The following PLEKHA6 variants were observed in gnomAD, a reference collection of about 807,000 sequenced individuals.
The protein encoded by PLEKHA6 is pleckstrin homology domain-containing family A member 6.
PLEKHA6 carries 60 observed loss-of-function variants against 116.7 expected under a neutral mutation model. The ratio of observed to expected loss-of-function variants is 0.51; its 90% confidence interval spans 0.42 to 0.64. The LOEUF (loss-of-function observed/expected upper bound fraction) is 0.64. PLEKHA6 is among the 30% of genes least tolerant of loss of function. The probability of loss-of-function intolerance (pLI) is 0.00; values close to 1 mark genes in which losing one functional copy is unlikely to be tolerated. For missense variants in PLEKHA6, 1,338 were observed against 1,422.7 expected (o/e 0.94, Z 0.96); for synonymous variants, 489 against 556.1 (o/e 0.88, Z 1.70).
intron 1 of PLEKHA6, among the ~76,000 whole-genome samples, chr1:204,298,373 T>C (rs1015120682): frequency 2.0e-5 from 3 of 152,194 alleles, no homozygotes; most frequent in Non-Finnish European, 4.4e-5. Context: ...TAGTGTCAAA[T>C]GGAACAATCA....
In PLEKHA6 at chr1:204,228,267, A is replaced by C; in HGVS notation, c.2886-39T>G. 6.4e-7 allele frequency: 1 copy of C among 1,554,828 alleles called. No homozygotes were observed. The highest frequency in any genetic ancestry group is 8.7e-7 in the Non-Finnish European group (1 of 1,145,462). On this transcript the variant is annotated intron_variant, in intron 20 of 22. Coordinates refer to ENST00000272203, the MANE Select transcript of PLEKHA6 (RefSeq NM_014935.5). The surrounding 1 kb of genome is among the most constrained non-coding windows in gnomAD (Gnocchi z 4.0). ...GACACACAGAAATGGAGGGAGGGAC[A>C]GGATGGTCCAAGTGGCTTGAGGGGG...
At chr1:204,282,078 C>G (rs1668681982) in intron 1 of PLEKHA6, among the ~76,000 whole-genome samples, 1 of 152,176 alleles carries the variant, frequency 6.6e-6, no homozygotes, top group Non-Finnish European at 1.5e-5. Context: ...CTGTCCTTCC[C>G]CCATTTTCTC....
chr1:204,245,039 G>T (rs1312753397), intron 14 of PLEKHA6, 36 bp from the exon 15 acceptor site: 1 of 1,384,882 alleles, frequency 7.2e-7, no homozygotes, highest in African/African-American at 1.5e-5. Context: ...AGCAATGGAG[G>T]AGGGGTGCGG....
intron 1 of PLEKHA6, among the ~76,000 whole-genome samples, chr1:204,286,052 C>G (rs553663094): frequency 6.6e-6 from 1 of 152,208 alleles, no homozygotes; most frequent in East Asian, 1.9e-4. Context: ...TTCTTCCTTC[C>G]CTGCACCTCC....
At chr1:204,295,905 A>T (rs1670228964) in intron 1 of PLEKHA6, among the ~76,000 whole-genome samples, 1 of 152,180 alleles carries the variant, frequency 6.6e-6, no homozygotes, top group Admixed American at 6.5e-5. Context: ...GAGCAGGGCA[A>T]TTTTCTAACT....
chr1:204,312,328 C>A (rs1310011560), intron 1 of PLEKHA6, among the ~76,000 whole-genome samples: 1 of 152,230 alleles, frequency 6.6e-6, no homozygotes, highest in African/African-American at 2.4e-5. Flanking sequence ...CCTACTGTCC[C>A]TCTCCAGATT....
chr1:204,328,938 A>C (rs1003337221), intron 1 of PLEKHA6, among the ~76,000 whole-genome samples: 1 of 152,236 alleles, frequency 6.6e-6, no homozygotes, highest in Non-Finnish European at 1.5e-5. Context: ...GCCCAAAGCC[A>C]AACAACTAGA....
chr1:204,351,383 C>T (rs192468749), intron 1 of PLEKHA6, among the ~76,000 whole-genome samples: 57 of 152,306 alleles, frequency 3.7e-4, no homozygotes, highest in African/African-American at 9.4e-4. Context: ...TACAGAGTTC[C>T]GGTCGCCTCA....
chr1:204,322,110 T>TA (rs1460307642), intron 1 of PLEKHA6, among the ~76,000 whole-genome samples: 1 of 152,250 alleles, frequency 6.6e-6, no homozygotes, highest in African/African-American at 2.4e-5. Flanking sequence ...AAATCTTTGT[T>TA]ACTCTGACTT....
At chr1:204,290,339 G>A (rs1669617011) in intron 1 of PLEKHA6, among the ~76,000 whole-genome samples, 1 of 152,216 alleles carries the variant, frequency 6.6e-6, no homozygotes, top group Non-Finnish European at 1.5e-5. Flanking sequence ...CACATATATA[G>A]ATAAATGGAA....
intron 1 of PLEKHA6, among the ~76,000 whole-genome samples, chr1:204,354,158 G>A (rs1241984618): frequency 6.6e-6 from 1 of 152,188 alleles, no homozygotes; most frequent in Non-Finnish European, 1.5e-5. Flanking sequence ...TGATGTCAGA[G>A]CTAAGGAGGG....
At chr1:204,263,061 G>A (rs976308407) in intron 6 of PLEKHA6, among the ~76,000 whole-genome samples, 1 of 152,148 alleles carries the variant, frequency 6.6e-6, no homozygotes, top group Non-Finnish European at 1.5e-5. Flanking sequence ...ACTCGCTGGG[G>A]GCACCAGTCA....
At position 204,222,164 on chromosome 1, in the gene PLEKHA6, A is replaced by G. The variant is rs1571702564; in HGVS notation, c.*624T>C. ...CTCTGGGAGCCAATGGCCTCTCCCC[A>G]TCTCTCATCACCTTGTCTTTGGCTC... On this transcript the variant is annotated 3_prime_UTR_variant, in exon 23 of 23. Coordinates refer to ENST00000272203, the MANE Select transcript of PLEKHA6 (RefSeq NM_014935.5). 1 of 152,426 alleles carries G rather than the reference A, an allele frequency of 6.6e-6. No individual in the cohort carries two copies. The highest frequency in any genetic ancestry group is 2.4e-5 in the African/African-American group (1 of 41,180). 9.4% of individuals were successfully genotyped at this position (152,426 alleles called of 1,614,324 possible).
intron 1 of PLEKHA6, among the ~76,000 whole-genome samples, chr1:204,295,363 G>T (rs538991252): frequency 6.6e-6 from 1 of 152,124 alleles, no homozygotes; most frequent in Admixed American, 6.5e-5. Context: ...GGTGGCACAC[G>T]CCTGTAGTCC....
chr1:204,348,526 T>A (rs1349351921), intron 1 of PLEKHA6, among the ~76,000 whole-genome samples: 1 of 152,124 alleles, frequency 6.6e-6, no homozygotes, highest in Non-Finnish European at 1.5e-5. Context: ...CAGGCTGAAT[T>A]CACACAGCAT....
chr1:204,244,830 C>A, intron 15 of PLEKHA6, 34 bp downstream of exon 15: 1 of 1,496,930 alleles, frequency 6.7e-7, no homozygotes, highest in Non-Finnish European at 9.0e-7. Context: ...GTCCTCCCTC[C>A]CCCACCTACC....
intron 9 of PLEKHA6, among the ~76,000 whole-genome samples, chr1:204,252,666 C>T (rs1664719898): frequency 6.6e-6 from 1 of 152,216 alleles, no homozygotes; most frequent in Non-Finnish European, 1.5e-5. Context: ...ATCTCAGTTG[C>T]ACCCACACTG....
At chr1:204,297,041 C>T in intron 1 of PLEKHA6, 1 of 887,448 alleles carries the variant, frequency 1.1e-6, no homozygotes, top group Non-Finnish European at 1.4e-6. Flanking sequence ...CCGTACCCAT[C>T]CCTGCAGATT....
At chr1:204,262,133 G>C (rs1228537235) in intron 6 of PLEKHA6, 1 of 152,360 alleles carries the variant, frequency 6.6e-6, no homozygotes, top group Admixed American at 6.5e-5. Flanking sequence ...ACAGGGAAGG[G>C]GGAATATTCA....
Sources: gnomAD v4.1 joint callset for allele counts (sites outside exome capture counted in the v4.1 genomes callset) on GRCh38, gnomAD v4.1.1 for gene constraint, Gnocchi (gnomAD v3.1) non-coding constraint, MANE v1.5 for transcripts, NCBI Gene and HGNC (gene_info 2026-07-23, HGNC 2026-07-21) for gene names.